The following TMEM67 variants were observed in gnomAD, a reference collection of about 807,000 sequenced individuals.
TMEM67 encodes meckelin.
Under a neutral mutation model 136.6 loss-of-function variants are expected in TMEM67, and 124 were observed. That is an observed-to-expected ratio of 0.91 (90% CI 0.78 to 1.05). TMEM67 has a LOEUF of 1.05. Among genes scored for constraint, TMEM67 ranks in the 50% least tolerant of loss-of-function variants. The pLI, the probability that TMEM67 is intolerant of heterozygous loss-of-function variation, is 0.00. For synonymous variants in TMEM67, 364 were observed against 390.5 expected (o/e 0.93, Z 0.80); for missense variants, 1,107 against 1,178.4 (o/e 0.94, Z 0.89).
the TMEM67 span, among the ~76,000 whole-genome samples, chr8:93,829,317 TCACTC>T: frequency 6.6e-6 from 1 of 152,170 alleles, no homozygotes; most frequent in Non-Finnish European, 1.5e-5. Flanking sequence ...TTGAACTCTC[TCACTC>T]AAGTCTTTCC....
chr8:93,810,005 G>C (rs1808638359), intron 26 of TMEM67, 118 bp downstream of exon 26: 1 of 607,660 alleles, frequency 1.6e-6, no homozygotes, highest in African/African-American at 2.0e-5. Flanking sequence ...GTCTTGCTCT[G>C]TTGCCCAGGC....
At chr8:93,826,123 C>CT in the TMEM67 span, among the ~76,000 whole-genome samples, 18,054 of 52,240 alleles carry the variant, frequency 0.35, 7,132 homozygotes, top group East Asian at 0.55. Flanking sequence ...TTAATCATGT[C>CT]TTTTTTTTTT....
At chr8:93,810,880 G>C (rs1253536235) in intron 26 of TMEM67, among the ~76,000 whole-genome samples, 2 of 152,124 alleles carry the variant, frequency 1.3e-5, no homozygotes, top group Non-Finnish European at 2.9e-5. Context: ...ATCCAAGTTT[G>C]TAAAAATCAC....
At chr8:93,801,776 A>G (rs1448874741) in intron 21 of TMEM67, among the ~76,000 whole-genome samples, 1 of 152,178 alleles carries the variant, frequency 6.6e-6, no homozygotes, top group African/African-American at 2.4e-5. Flanking sequence ...CTTTTTAAAT[A>G]TATACTTATT....
intron 21 of TMEM67, among the ~76,000 whole-genome samples, chr8:93,801,322 C>A (rs1296558707): frequency 6.6e-6 from 1 of 152,116 alleles, no homozygotes; most frequent in Non-Finnish European, 1.5e-5. Context: ...GCAGCCTCAA[C>A]CTCCCAGGCT....
chr8:93,828,257 T>A, the TMEM67 span, among the ~76,000 whole-genome samples: 26 of 152,252 alleles, frequency 1.7e-4, no homozygotes, highest in African/African-American at 5.1e-4. Context: ...AGGTCCTACC[T>A]CTTAAAAGAA....
chr8:93,807,181 G>T (rs1349137698), intron 23 of TMEM67, among the ~76,000 whole-genome samples: 1 of 152,100 alleles, frequency 6.6e-6, no homozygotes. Flanking sequence ...AGCTACTGGT[G>T]GCAGGTTGAA....
At chr8:93,782,891 G>A (rs536032376) in intron 11 of TMEM67, among the ~76,000 whole-genome samples, 14 of 152,082 alleles carry the variant, frequency 9.2e-5, no homozygotes, top group African/African-American at 3.4e-4. Flanking sequence ...GTTTTTAATA[G>A]TGAAGAATAA....
intron 23 of TMEM67, 26 bp from the exon 24 acceptor site, chr8:93,808,814 T>C (rs1586090045): frequency 6.9e-7 from 1 of 1,445,830 alleles, no homozygotes; most frequent in African/African-American, 1.4e-5. Context: ...AATTTTGATC[T>C]TAACTTAAAT....
chr8:93,781,120 A>T (rs929103247), intron 9 of TMEM67, 138 bp downstream of exon 9: 2 of 674,644 alleles, frequency 3.0e-6, no homozygotes, highest in African/African-American at 1.8e-5. Context: ...TCAACAACTC[A>T]TAAGAACTAA....
chr8:93,796,054 T>C lies in TMEM67; in HGVS notation c.1860+67T>C, dbSNP rs1208713708. ...TAATGAACTAACAAGTCTTTAAAATTAAAATGCTTTCAAAAATCTTTGGCG... is the reference window on the plus strand; with the variant it reads ...TAATGAACTAACAAGTCTTTAAAATCAAAATGCTTTCAAAAATCTTTGGCG... On this transcript the variant is annotated intron_variant, in intron 18 of 27. Transcript: ENST00000453321. 4.9e-6 allele frequency: 5 copies of C among 1,027,418 alleles called. No individual in the cohort carries two copies. The Admixed American group carries it at 7.5e-5, about 15-fold the overall frequency. 63.6% of individuals were successfully genotyped at this position (1,027,418 alleles called of 1,614,324 possible). A position where few individuals can be genotyped will look rare whatever the true frequency, so the allele number is the denominator to read the frequency against.
intron 14 of TMEM67, among the ~76,000 whole-genome samples, chr8:93,788,182 C>T (rs1265307425): frequency 6.6e-6 from 1 of 152,172 alleles, no homozygotes; most frequent in Non-Finnish European, 1.5e-5. Flanking sequence ...AGAAGCCTCA[C>T]CAGCAGTTGA....
chr8:93,804,699 A>G, intron 22 of TMEM67, 63 bp from the exon 23 acceptor site: 1 of 922,256 alleles, frequency 1.1e-6, no homozygotes, highest in Admixed American at 1.9e-5. Context: ...TTTAAGGAAA[A>G]CTTAATTTTT....
At chr8:93,829,976 T>C in the TMEM67 span, among the ~76,000 whole-genome samples, 3 of 152,188 alleles carry the variant, frequency 2.0e-5, no homozygotes, top group African/African-American at 7.2e-5. Context: ...CCTTGTCTGA[T>C]TGTAGGCCAT....
downstream of TMEM67, among the ~76,000 whole-genome samples, chr8:93,824,214 T>C (rs1809079237): frequency 6.6e-6 from 1 of 152,236 alleles, no homozygotes; most frequent in African/African-American, 2.4e-5. Flanking sequence ...AGCCAGCTGA[T>C]TGGAGATAAT....
At position 93,782,952 on chromosome 8, in the gene TMEM67, T is replaced by G. The variant is rs538593404; in HGVS notation, c.1131+492T>G. 2.0e-5 allele frequency among the ~76,000 whole-genome samples: 3 copies of G among 152,226 alleles called. No individual in the cohort carries two copies. The South Asian group carries it at 6.2e-4, about 32-fold the overall frequency. On this transcript the variant is annotated intron_variant, in intron 11 of 27. Transcript: ENST00000453321. Reference sequence around the variant, plus strand: ...TTACCTGGGTACATAAAAGCTTAATTTAAGTGGCATAAACAGAGCACCTTG... The same window carrying G: ...TTACCTGGGTACATAAAAGCTTAATGTAAGTGGCATAAACAGAGCACCTTG...
intron 26 of TMEM67, 93 bp downstream of exon 26, chr8:93,809,980 T>C (rs1470940804): frequency 3.7e-6 from 3 of 818,846 alleles, no homozygotes; most frequent in East Asian, 5.5e-5. Context: ...TCTTTTTTTT[T>C]TTTTTTTAGA....
At chr8:93,783,067 C>T (rs1215791683) in intron 11 of TMEM67, among the ~76,000 whole-genome samples, 1 of 152,180 alleles carries the variant, frequency 6.6e-6, no homozygotes, top group East Asian at 1.9e-4. Context: ...TCACTGCAAT[C>T]TCTTGCCTCC....
At chr8:93,758,142 A>G (rs752094456) in intron 2 of TMEM67, among the ~76,000 whole-genome samples, 1 of 152,042 alleles carries the variant, frequency 6.6e-6, no homozygotes, top group Non-Finnish European at 1.5e-5. Flanking sequence ...CGTTGATTCA[A>G]TCTTTTTGTG....
Sources: gnomAD v4.1 joint callset for allele counts (sites outside exome capture counted in the v4.1 genomes callset) on GRCh38, gnomAD v4.1.1 for gene constraint, MANE v1.5 for transcripts, NCBI Gene and HGNC (gene_info 2026-07-23, HGNC 2026-07-21) for gene names.